The following ZFAND3 variants were observed in gnomAD, a reference collection of about 807,000 sequenced individuals.
The protein encoded by ZFAND3 is zinc finger AN1-type containing 3.
In ZFAND3, 10 loss-of-function variants were observed where a neutral mutation model predicts 29.6. The observed-to-expected ratio is 0.34, with a 90% CI of 0.21 to 0.57. ZFAND3 has a LOEUF of 0.57. Ranked by LOEUF, ZFAND3 falls within the 20% of genes least tolerant of loss-of-function variation. ZFAND3 has a pLI of 0.86. For missense variants in ZFAND3, 230 were observed against 304.5 expected (o/e 0.76, Z 1.82); for synonymous variants, 128 against 112.6 (o/e 1.14, Z -0.87).
chr6:37,867,413 G>A (rs1023240611), intron 1 of ZFAND3, among the ~76,000 whole-genome samples: 2 of 152,198 alleles, frequency 1.3e-5, no homozygotes, highest in African/African-American at 2.4e-5. Flanking sequence ...CTGACAGGTA[G>A]CGAATTAGAA....
At chr6:38,065,548 G>A (rs2645102) in intron 3 of ZFAND3, among the ~76,000 whole-genome samples, 44,853 of 152,014 alleles carry the variant, frequency 0.3, 7,372 homozygotes, top group Non-Finnish European at 0.38. Flanking sequence ...CTTTAGATGC[G>A]GTAACATTTA....
chr6:37,921,247 C>G (rs1247838642), intron 1 of ZFAND3, among the ~76,000 whole-genome samples: 1 of 152,066 alleles, frequency 6.6e-6, no homozygotes, highest in Non-Finnish European at 1.5e-5. Context: ...CAGATTGACT[C>G]CCTTCACTGA....
intron 3 of ZFAND3, among the ~76,000 whole-genome samples, chr6:38,071,069 A>G (rs1414852824): frequency 4.0e-5 from 6 of 151,138 alleles, no homozygotes; most frequent in African/African-American, 1.5e-4. Flanking sequence ...ATTCTTTTAT[A>G]TATATATATA....
intron 1 of ZFAND3, among the ~76,000 whole-genome samples, chr6:37,889,670 C>T (rs1765058654): frequency 6.6e-6 from 1 of 152,086 alleles, no homozygotes; most frequent in South Asian, 2.1e-4. Flanking sequence ...ACTATGACTC[C>T]TCTTGGTGAG....
At chr6:37,930,065 T>C in intron 2 of ZFAND3, 66 bp downstream of exon 2, 2 of 1,433,200 alleles carry the variant, frequency 1.4e-6, no homozygotes, top group East Asian at 2.3e-5. Flanking sequence ...TTTTGGTTCT[T>C]TTTAAGACTA....
chr6:38,104,388 A>G (rs1257255786), intron 4 of ZFAND3, among the ~76,000 whole-genome samples: 1 of 152,246 alleles, frequency 6.6e-6, no homozygotes, highest in Admixed American at 6.5e-5. Context: ...TTATCTGATA[A>G]TTAAAAGCAA....
chr6:38,029,091 A>G (rs1264592668), intron 2 of ZFAND3, among the ~76,000 whole-genome samples: 1 of 152,198 alleles, frequency 6.6e-6, no homozygotes, highest in Non-Finnish European at 1.5e-5. Context: ...ATGCACAGCT[A>G]TTTTAGTTTT....
At chr6:38,042,688 A>G (rs1388595991) in intron 2 of ZFAND3, among the ~76,000 whole-genome samples, 3 of 152,186 alleles carry the variant, frequency 2.0e-5, no homozygotes, top group African/African-American at 7.2e-5. Context: ...TATGCAAGAA[A>G]GGAAGGTAAG....
At chr6:37,837,878 TAC>T (rs896635218) in intron 1 of ZFAND3, among the ~76,000 whole-genome samples, 12 of 152,156 alleles carry the variant, frequency 7.9e-5, no homozygotes, top group African/African-American at 2.4e-5. Context: ...TACACAAAAA[TAC>T]ACTTTGTTTA....
chr6:37,896,564 T>TTCTTTTCTTTCTC (rs1765216969), intron 1 of ZFAND3, among the ~76,000 whole-genome samples: 2 of 146,416 alleles, frequency 1.4e-5, no homozygotes, highest in African/African-American at 5.1e-5. Context: ...CTTTCTTTCT[T>TTCTTTTCTTTCTC]TCTTTCTCTC....
At chr6:38,082,806 A>G (rs943286761) in intron 4 of ZFAND3, among the ~76,000 whole-genome samples, 1 of 152,208 alleles carries the variant, frequency 6.6e-6, no homozygotes, top group Admixed American at 6.5e-5. Flanking sequence ...AATAGTTTTA[A>G]TGTAGAAAAT....
intron 1 of ZFAND3, among the ~76,000 whole-genome samples, chr6:37,827,671 T>A (rs905092593): frequency 7.2e-5 from 11 of 152,224 alleles, no homozygotes; most frequent in Admixed American, 6.5e-5. Flanking sequence ...ATGTCATCCA[T>A]GAGGCTGAGG....
chr6:38,112,216 G>A (rs1478454730), intron 4 of ZFAND3, among the ~76,000 whole-genome samples: 1 of 152,182 alleles, frequency 6.6e-6, no homozygotes, highest in African/African-American at 2.4e-5. Flanking sequence ...AGTTGTGAAC[G>A]TGGAATGGGG....
chr6:37,860,875 A>G (rs560016775), intron 1 of ZFAND3, among the ~76,000 whole-genome samples: 6 of 152,218 alleles, frequency 3.9e-5, no homozygotes, highest in South Asian at 2.1e-4. Flanking sequence ...AGGATGAGAT[A>G]TGGTACTCCA....
At chr6:37,925,431 G>T (rs537917141) in intron 1 of ZFAND3, among the ~76,000 whole-genome samples, 2 of 152,138 alleles carry the variant, frequency 1.3e-5, no homozygotes, top group Admixed American at 1.3e-4. Flanking sequence ...TGCTGGACGC[G>T]GTGGCTCATG....
Position 38,154,086 on chromosome 6 carries a change from G to A in ZFAND3, c.*1697G>A, listed in dbSNP as rs1192593134. On this transcript the variant is annotated 3_prime_UTR_variant, in exon 6 of 6. Coordinates refer to ENST00000287218, the MANE Select transcript of ZFAND3 (RefSeq NM_021943.3). ...TAATTCTTGCTTCAGGACCCAGACCGGTGTCTTGCTCTAGGGCAACCCAGG... is the reference window on the plus strand; with the variant it reads ...TAATTCTTGCTTCAGGACCCAGACCAGTGTCTTGCTCTAGGGCAACCCAGG... The A allele has an allele frequency of 2.0e-5, 20 of 985,428 alleles. No individual in the cohort carries two copies. The South Asian group carries it at 5.6e-4, about 28-fold the overall frequency. The allele number at this position is 985,428 out of a possible 1,614,324, so 61.0% of individuals were successfully genotyped here. A position where few individuals can be genotyped will look rare whatever the true frequency, so the allele number is the denominator to read the frequency against.
At chr6:37,939,489 T>C (rs187939149) in intron 2 of ZFAND3, among the ~76,000 whole-genome samples, 43 of 152,326 alleles carry the variant, frequency 2.8e-4, no homozygotes, top group South Asian at 8.3e-4. Flanking sequence ...AAGCTTTTTT[T>C]CCCAAAATTA....
chr6:38,145,417 A>G (rs1766083411), intron 5 of ZFAND3, among the ~76,000 whole-genome samples: 1 of 152,184 alleles, frequency 6.6e-6, no homozygotes, highest in South Asian at 2.1e-4. Flanking sequence ...ACAAGGTGTT[A>G]GATGTTGTGG....
At chr6:38,072,174 G>A (rs1338330620) in intron 3 of ZFAND3, among the ~76,000 whole-genome samples, 1 of 151,594 alleles carries the variant, frequency 6.6e-6, no homozygotes, top group African/African-American at 2.4e-5. Flanking sequence ...CTCTGTCTCT[G>A]TCTTCAGTAC....
Sources: allele counts gnomAD v4.1 joint callset (sites outside exome capture counted in the v4.1 genomes callset), GRCh38; gene constraint gnomAD v4.1.1; transcripts MANE v1.5; gene names NCBI Gene and HGNC (gene_info 2026-07-23, HGNC 2026-07-21).